The following OSBPL11 variants were observed in gnomAD, a reference collection of about 807,000 sequenced individuals.
The protein encoded by OSBPL11 is oxysterol binding protein like 11, also known as oxysterol-binding protein-related protein 11.
A neutral mutation model predicts 84.4 loss-of-function variants in OSBPL11; 33 were observed. That is an observed-to-expected ratio of 0.39 (90% CI 0.30 to 0.52). The LOEUF is 0.52. Among genes scored for constraint, OSBPL11 ranks in the 20% least tolerant of loss-of-function variants. The pLI is 0.72. For synonymous variants in OSBPL11, 276 were observed against 310.2 expected, an observed-to-expected ratio of 0.89 and a Z score of 1.16; for missense variants, 736 against 901.1, an observed-to-expected ratio of 0.82 and a Z score of 2.35.
chr3:125,585,702 A>G (rs886961164), intron 1 of OSBPL11, among the ~76,000 whole-genome samples: 2 of 152,174 alleles, frequency 1.3e-5, no homozygotes, highest in Non-Finnish European at 2.9e-5. Flanking sequence ...AAAACATCCT[A>G]TTCTTTGGAA....
intron 1 of OSBPL11, among the ~76,000 whole-genome samples, chr3:125,585,130 CT>C (rs796508561): frequency 6.6e-6 from 1 of 151,782 alleles, no homozygotes; most frequent in Non-Finnish European, 1.5e-5. Context: ...ACGTGTATCT[CT>C]TTTTTTTATT....
At chr3:125,581,136 A>C (rs535551141) in intron 2 of OSBPL11, among the ~76,000 whole-genome samples, 1 of 151,226 alleles carries the variant, frequency 6.6e-6, no homozygotes, top group Non-Finnish European at 1.5e-5. Flanking sequence ...TCTGTTGCCC[A>C]GGCTGGAGTG....
At chr3:125,586,767 G>A (rs62270206) in intron 1 of OSBPL11, among the ~76,000 whole-genome samples, 13,122 of 152,056 alleles carry the variant, frequency 0.086, 699 homozygotes, top group Middle Eastern at 0.15. Flanking sequence ...CGCCTGCCTC[G>A]GCTTCCCAAA....
chr3:125,544,809 C>T (rs1410081918), intron 10 of OSBPL11, among the ~76,000 whole-genome samples: 2 of 152,224 alleles, frequency 1.3e-5, no homozygotes. Context: ...TTGACCAAAT[C>T]TACAATATCT....
chr3:125,532,577 C>CAAAAAAAAAAA (rs371653670), intron 11 of OSBPL11, among the ~76,000 whole-genome samples: 5 of 54,000 alleles, frequency 9.3e-5, no homozygotes, highest in Non-Finnish European at 1.2e-4. Flanking sequence ...AAATCTCAAG[C>CAAAAAAAAAAA]AAAAAAAAAA....
chr3:125,592,634 T>C (rs145349103), intron 1 of OSBPL11, among the ~76,000 whole-genome samples: 39 of 152,284 alleles, frequency 2.6e-4, no homozygotes, highest in African/African-American at 8.4e-4. Flanking sequence ...TGGGAAAGTA[T>C]GTAAGGGAAA....
intron 10 of OSBPL11, among the ~76,000 whole-genome samples, chr3:125,543,596 T>C (rs947073823): frequency 2.0e-5 from 3 of 152,146 alleles, no homozygotes; most frequent in Admixed American, 6.6e-5. Flanking sequence ...CTGCAAAGCT[T>C]TGTCTCAAAG....
At chr3:125,552,141 G>GTATA (rs10541213) in intron 9 of OSBPL11, 40 bp downstream of exon 9, 51 of 872,052 alleles carry the variant, frequency 5.8e-5, no homozygotes, top group East Asian at 7.4e-5. Context: ...ATGTGTGTGT[G>GTATA]TATATATATA....
intron 11 of OSBPL11, among the ~76,000 whole-genome samples, chr3:125,535,439 C>CT (rs763678488): frequency 0.18 from 15,028 of 84,270 alleles, 2,252 homozygotes; most frequent in African/African-American, 0.29. Flanking sequence ...TCAGAAGCAT[C>CT]TTTTTTTTTT....
intron 10 of OSBPL11, among the ~76,000 whole-genome samples, chr3:125,544,342 T>C (rs1386137232): frequency 6.6e-6 from 1 of 152,184 alleles, no homozygotes; most frequent in Non-Finnish European, 1.5e-5. Context: ...AGGCGTGAGC[T>C]ACTGCACCTG....
At chr3:125,585,130 C>T (rs752134156) in intron 1 of OSBPL11, among the ~76,000 whole-genome samples, 1 of 151,782 alleles carries the variant, frequency 6.6e-6, no homozygotes, top group Non-Finnish European at 1.5e-5. Flanking sequence ...ACGTGTATCT[C>T]TTTTTTTTAT....
chr3:125,554,602 A>G (rs1315648636), intron 8 of OSBPL11, among the ~76,000 whole-genome samples: 1 of 152,204 alleles, frequency 6.6e-6, no homozygotes, highest in African/African-American at 2.4e-5. Context: ...AAAATAAAGA[A>G]ACAGATTTGG....
In OSBPL11 at chr3:125,560,391, C is replaced by T; in HGVS notation, c.1143G>A (p.Met381Ile). The part of the protein sequence containing the change: ...LHLLSQLKLG[M>I]DLTRVVLPTF... ...TGCCATTACTTACTCTTGTTAAATC[C>T]ATGCCCAGCTTAAGCTGTGACAAGA... The change falls in exon 8 of 13, where the codon ATG (methionine) becomes ATA (isoleucine). Residue 381 changes from methionine (M) to isoleucine (I), a missense_variant. This residue lies in a region of OSBPL11 where 579 missense variants were observed against 717.6 expected (regional missense o/e 0.81). Coordinates refer to ENST00000296220, the MANE Select transcript of OSBPL11 (RefSeq NM_022776.5). The T allele has an allele frequency of 6.4e-7, 1 of 1,567,200 alleles. No individual in the cohort carries two copies. The highest frequency in any genetic ancestry group is 8.7e-7 in the Non-Finnish European group (1 of 1,152,828).
At chr3:125,532,597 A>C (rs1011406032) in intron 11 of OSBPL11, among the ~76,000 whole-genome samples, 2 of 151,894 alleles carry the variant, frequency 1.3e-5, no homozygotes, top group African/African-American at 4.8e-5. Context: ...AAAAAACAAA[A>C]AAAAACTGCC....
rs574819017 is a variant in OSBPL11 at position 125,534,193 on chromosome 3, C to T, written c.2025-2179G>A. 2.0e-5 allele frequency among the ~76,000 whole-genome samples: 3 copies of T among 152,112 alleles called. No homozygotes were observed. In the South Asian group the frequency reaches 6.2e-4, roughly 32 times the overall value. On this transcript the variant is annotated intron_variant, in intron 11 of 12. Transcript: ENST00000296220. ...GTCAGGAGTTTGAGACCAGCCTGGC[C>T]AACATGGTGAAACCCCATCTCTACT...
Position 125,594,930 on chromosome 3 carries a change from G to A in OSBPL11, c.-130C>T. The A allele has an allele frequency of 9.9e-7, 1 of 1,009,738 alleles. No homozygotes were observed. Among genetic ancestry groups the A allele is most frequent in the Non-Finnish European group, 1.4e-6 (1 of 700,580 alleles). The allele number at this position is 1,009,738 out of a possible 1,614,324, so 62.5% of individuals were successfully genotyped here. On this transcript the variant is annotated 5_prime_UTR_variant, in exon 1 of 13. Transcript: ENST00000296220. Reference sequence around the variant, plus strand: ...TGCTAAATCACACGGCGGCTGGGGCGGGACTGTCAAATGGTCCAGAAAAGG... The same window carrying A: ...TGCTAAATCACACGGCGGCTGGGGCAGGACTGTCAAATGGTCCAGAAAAGG...
intron 9 of OSBPL11, among the ~76,000 whole-genome samples, chr3:125,550,742 T>C (rs936974804): frequency 6.6e-6 from 1 of 152,252 alleles, no homozygotes; most frequent in Non-Finnish European, 1.5e-5. Flanking sequence ...TTGTTTCATA[T>C]TCTTGGTCAA....
At chr3:125,554,984 A>T (rs1488773841) in intron 8 of OSBPL11, among the ~76,000 whole-genome samples, 2 of 151,860 alleles carry the variant, frequency 1.3e-5, no homozygotes, top group African/African-American at 4.8e-5. Context: ...AAGGATACAA[A>T]GTACTGTTCT....
At chr3:125,563,435 T>C (rs1936107390) in intron 7 of OSBPL11, among the ~76,000 whole-genome samples, 1 of 152,118 alleles carries the variant, frequency 6.6e-6, no homozygotes, top group Admixed American at 6.5e-5. Context: ...AAGAAAAACA[T>C]AAATTTCAAT....
Sources: gnomAD v4.1 joint callset for allele counts (sites outside exome capture counted in the v4.1 genomes callset) on GRCh38, gnomAD v4.1.1 for gene constraint, gnomAD v4.1.1 regional missense constraint, MANE v1.5 for transcripts, NCBI Gene and HGNC (gene_info 2026-07-23, HGNC 2026-07-21) for gene names.